Variants in NUP93 observed in about 807,000 individuals in gnomAD.
NUP93 encodes nuclear pore complex protein Nup93.
NUP93 carries 55 observed loss-of-function variants against 107.8 expected under a neutral mutation model. The observed-to-expected ratio is 0.51, with a 90% confidence interval of 0.41 to 0.64. The LOEUF (loss-of-function observed/expected upper bound fraction) is 0.64. Ranked by LOEUF, NUP93 falls within the 30% of genes least tolerant of loss-of-function variation. The pLI, the probability that NUP93 is intolerant of heterozygous loss-of-function variation, is 0.00. For synonymous variants in NUP93, 390 were observed against 397.5 expected (o/e 0.98, Z 0.22); for missense variants, 937 against 1,044.7 (o/e 0.90, Z 1.42).
chr16:56,808,032 T>C (rs886910405), intron 5 of NUP93, among the ~76,000 whole-genome samples: 3 of 143,334 alleles, frequency 2.1e-5, no homozygotes, highest in African/African-American at 5.1e-5. Flanking sequence ...AAAAAATATA[T>C]ATAAATATAT....
At chr16:56,744,185 G>C (rs974667224) in intron 1 of NUP93, among the ~76,000 whole-genome samples, 2 of 152,160 alleles carry the variant, frequency 1.3e-5, no homozygotes, top group Admixed American at 6.5e-5. Flanking sequence ...TACATGGCCA[G>C]ATTTTCCCAA....
intron 3 of NUP93, among the ~76,000 whole-genome samples, chr16:56,790,247 C>T (rs534758862): frequency 1.3e-5 from 2 of 152,270 alleles, no homozygotes; most frequent in African/African-American, 2.4e-5. Context: ...TGTAAGCTGA[C>T]GTTTTATATA....
chr16:56,843,702 G>T (rs1231685440), intron 21 of NUP93, among the ~76,000 whole-genome samples: 1 of 152,134 alleles, frequency 6.6e-6, no homozygotes, highest in African/African-American at 2.4e-5. Flanking sequence ...CATCAATAAG[G>T]ACATACACTC....
At chr16:56,790,281 T>G (rs1481375532) in intron 3 of NUP93, among the ~76,000 whole-genome samples, 1 of 152,182 alleles carries the variant, frequency 6.6e-6, no homozygotes, top group Non-Finnish European at 1.5e-5. Context: ...TCAGTAATAG[T>G]GTCTAATGAA....
intron 2 of NUP93, among the ~76,000 whole-genome samples, chr16:56,754,827 T>C (rs751497682): frequency 1.3e-5 from 2 of 152,236 alleles, no homozygotes; most frequent in Admixed American, 1.3e-4. Flanking sequence ...CCATGAGGGC[T>C]CTGCCCCTGT....
rs8062197 is a variant in NUP93 at position 56,829,678 on chromosome 16, A to G, written c.927+569A>G. On this transcript the variant is annotated intron_variant, in intron 9 of 21. Transcript: ENST00000308159. ...GGAAAAGAGTATTCCAGGAGGAGGTAACACATGCACAAATGCATGGAGGCA... is the reference window on the plus strand; with the variant it reads ...GGAAAAGAGTATTCCAGGAGGAGGTGACACATGCACAAATGCATGGAGGCA... Among the ~76,000 whole-genome samples, 309 of 152,366 alleles carry G rather than the reference A, an allele frequency of 2.0e-3. 1 individual carries two copies. Among genetic ancestry groups the G allele is most frequent in the African/African-American group, 7.0e-3 (292 of 41,600 alleles).
intron 3 of NUP93, among the ~76,000 whole-genome samples, chr16:56,791,033 G>A (rs1339525307): frequency 6.6e-6 from 1 of 152,022 alleles, no homozygotes; most frequent in Non-Finnish European, 1.5e-5. Context: ...CTATTAATTT[G>A]TATGTATTGT....
chr16:56,803,713 C>T (rs1238182123), intron 4 of NUP93, among the ~76,000 whole-genome samples: 1 of 150,872 alleles, frequency 6.6e-6, no homozygotes, highest in African/African-American at 2.4e-5. Context: ...CACTTTACAC[C>T]GATTAGGATG....
intron 3 of NUP93, among the ~76,000 whole-genome samples, chr16:56,764,758 A>T (rs1962188879): frequency 6.6e-6 from 1 of 152,252 alleles, no homozygotes; most frequent in Admixed American, 6.5e-5. Context: ...ATAGCTCTTC[A>T]GGAATTACTG....
chr16:56,740,343 A>G (rs1171208244), intron 1 of NUP93, among the ~76,000 whole-genome samples: 25 of 145,508 alleles, frequency 1.7e-4, no homozygotes, highest in Non-Finnish European at 3.2e-4. Flanking sequence ...CTCACCTCCC[A>G]GACGGGGTCT....
intron 3 of NUP93, among the ~76,000 whole-genome samples, chr16:56,785,448 A>T (rs763680781): frequency 6.6e-6 from 1 of 152,248 alleles, no homozygotes; most frequent in East Asian, 1.9e-4. Flanking sequence ...AACCTCTTCA[A>T]TCTGGAAACT....
chr16:56,834,897 C>CATCT, intron 16 of NUP93, 119 bp downstream of exon 16: 1 of 782,556 alleles, frequency 1.3e-6, no homozygotes, highest in Non-Finnish European at 2.0e-6. Flanking sequence ...AACAGAGTTG[C>CATCT]TTAATTTAAA....
At chr16:56,770,379 G>A (rs1596785587) in intron 3 of NUP93, among the ~76,000 whole-genome samples, 1 of 152,152 alleles carries the variant, frequency 6.6e-6, no homozygotes, top group Non-Finnish European at 1.5e-5. Flanking sequence ...TTCACAGCCT[G>A]GGCATCTTTT....
At position 56,823,855 on chromosome 16, in the gene NUP93, G is replaced by A. The variant is rs745420018; in HGVS notation, c.794+9G>A. 1.2e-6 allele frequency: 2 copies of A among 1,612,172 alleles called. No homozygotes were observed. Among genetic ancestry groups the A allele is most frequent in the South Asian group, 1.1e-5 (1 of 91,018 alleles). On this transcript the variant is annotated intron_variant, in intron 8 of 21. Coordinates refer to ENST00000308159, the MANE Select transcript of NUP93 (RefSeq NM_014669.5). ...GCGTACCTTGAGCAGAGGTAAGGCAGCAGTAGCACAGTGGGGCTGGCTTTC... is the reference window on the plus strand; with the variant it reads ...GCGTACCTTGAGCAGAGGTAAGGCAACAGTAGCACAGTGGGGCTGGCTTTC...
At chr16:56,753,973 ATTTTT>A (rs568049501) in intron 2 of NUP93, among the ~76,000 whole-genome samples, 1 of 146,546 alleles carries the variant, frequency 6.8e-6, no homozygotes, top group African/African-American at 2.5e-5. Flanking sequence ...TACTATTTTA[ATTTTT>A]TTTTTTTTAA....
chr16:56,737,035 A>G (rs1313580237), intron 1 of NUP93, among the ~76,000 whole-genome samples: 1 of 152,238 alleles, frequency 6.6e-6, no homozygotes, highest in Non-Finnish European at 1.5e-5. Context: ...TATACAGCTT[A>G]GGGAATTTTT....
chr16:56,795,448 AG>A (rs1362774734), intron 3 of NUP93, among the ~76,000 whole-genome samples: 3 of 152,058 alleles, frequency 2.0e-5, no homozygotes, highest in Non-Finnish European at 4.4e-5. Flanking sequence ...GGTGGTGACA[AG>A]CTGCCCCCTT....
At chr16:56,740,071 A>T in intron 1 of NUP93, among the ~76,000 whole-genome samples, 1 of 48,324 alleles carries the variant, frequency 2.1e-5, no homozygotes, top group African/African-American at 9.4e-5. Context: ...GGCCGGGCGG[A>T]GGGCTCACCC....
intron 8 of NUP93, 114 bp downstream of exon 8, chr16:56,823,960 T>G: frequency 7.8e-7 from 1 of 1,283,340 alleles, no homozygotes; most frequent in Non-Finnish European, 1.1e-6. Context: ...TTAAGATTTA[T>G]TATGTTAAAT....
Sources: allele counts gnomAD v4.1 joint callset (sites outside exome capture counted in the v4.1 genomes callset), GRCh38; gene constraint gnomAD v4.1.1; transcripts MANE v1.5; gene names NCBI Gene and HGNC (gene_info 2026-07-23, HGNC 2026-07-21).